KCTD15: variants seen among roughly 807,000 people sequenced by gnomAD.
KCTD15 encodes the protein potassium channel tetramerization domain containing 15.
In KCTD15, 11 loss-of-function variants were observed where a neutral mutation model predicts 27.2. The ratio of observed to expected loss-of-function variants is 0.41; its 90% CI spans 0.25 to 0.67. The LOEUF (loss-of-function observed/expected upper bound fraction) is 0.67, where lower values mean the gene tolerates loss of function less well. KCTD15 is among the 30% of genes least tolerant of loss of function. The probability of loss-of-function intolerance (pLI) is 0.35; values close to 1 mark genes in which losing one functional copy is unlikely to be tolerated. For missense variants in KCTD15, 350 were observed against 409.3 expected, an observed-to-expected ratio of 0.86 and a Z score of 1.25; for synonymous variants, 163 against 176.0, an observed-to-expected ratio of 0.93 and a Z score of 0.58.
rs1234155311 is a variant in KCTD15 at position 33,797,279 on chromosome 19, TGTGTGCGCGCGCGCGC to T, written c.-127+294_-127+309del. On this transcript the variant is annotated intron_variant, in intron 1 of 6. Transcript: ENST00000683859. ...GTGTGTGTGTGTGTGTGTGTGTGTG[TGTGTGCGCGCGCGCGC>T]GCGCGCGCTTGTGGAGGTCCCCGCA... 6 of 247,302 alleles carry T rather than the reference TGTGTGCGCGCGCGCGC, an allele frequency of 2.4e-5. No homozygotes were observed. In the African/African-American group the frequency reaches 2.7e-4, roughly 11 times the overall value. The allele number at this position is 247,302 out of a possible 1,614,324, so 15.3% of individuals were successfully genotyped here.
intron 6 of KCTD15, chr19:33,812,263 A>G (rs918288514): frequency 1.4e-4 from 142 of 1,026,356 alleles, no homozygotes; most frequent in Non-Finnish European, 1.6e-4. Flanking sequence ...CAGAGACTCA[A>G]ATATTGAGAG....
At position 33,811,461 on chromosome 19, in the gene KCTD15, T is replaced by A; in HGVS notation, c.602T>A (p.Met201Lys). The A allele has an allele frequency of 6.2e-7, 1 of 1,612,902 alleles. No individual in the cohort carries two copies. Among genetic ancestry groups the A allele is most frequent in the Non-Finnish European group, 8.5e-7 (1 of 1,179,808 alleles). Residue 201 changes from methionine to lysine, a missense_variant, in exon 6 of 7, where the codon ATG becomes AAG. Physicochemically the swap from Met to Lys is moderately conservative, Grantham distance 95. Transcript: ENST00000683859. Reference protein sequence around the residue: ...EEVFPETGDVMCNSVNAGWNQ... With the variant: ...EEVFPETGDVKCNSVNAGWNQ... ...GTCTTCCCCGAGACCGGAGACGTCA[T>A]GTGCAACTCCGTCAACGCCGGCTGG...
intron 3 of KCTD15, 41 bp from the exon 4 acceptor site, chr19:33,801,126 C>G (rs780448986): frequency 1.3e-6 from 2 of 1,539,458 alleles, no homozygotes; most frequent in Non-Finnish European, 1.8e-6. Flanking sequence ...TCTTGTGTTC[C>G]GCTTTGAAAC....
At chr19:33,811,833 G>C in intron 6 of KCTD15, 1 of 1,605,988 alleles carries the variant, frequency 6.2e-7, no homozygotes, top group Non-Finnish European at 8.5e-7. Context: ...AACAAAGCGT[G>C]CTTCATTTGA....
In KCTD15 at chr19:33,800,512, G is replaced by A. The variant is rs747857696; in HGVS notation, c.58G>A (p.Gly20Ser). 17 of 1,596,302 alleles carry A rather than the reference G, an allele frequency of 1.1e-5. No individual in the cohort carries two copies. Among genetic ancestry groups the A allele is most frequent in the African/African-American group, 2.7e-5 (2 of 74,764 alleles). The stretch of plus-strand genomic sequence containing the variant: ...CTCGCTTCACACACACGGCAGCACC[G>A]GCACCGCGGTGAGCCTGCAGGGTGG... Reference protein sequence around the residue: ...GSSLHTHGSTGTAEGGNMSRL... With the variant: ...GSSLHTHGSTSTAEGGNMSRL... The change falls in exon 3 of 7, where the codon GGC becomes AGC. Residue 20 changes from glycine to serine, a missense_variant. Gly to Ser is a moderately conservative substitution (Grantham distance 56). Around this residue, in one of 3 missense-constraint regions of KCTD15, gnomAD observed 77 missense variants for 72.7 expected, o/e 1.06. Transcript: ENST00000683859.
intron 4 of KCTD15, among the ~76,000 whole-genome samples, chr19:33,803,043 C>A (rs1459263509): frequency 3.3e-5 from 5 of 151,908 alleles, no homozygotes; most frequent in African/African-American, 1.2e-4. Flanking sequence ...GGAGCTAGGG[C>A]CCCTGTGGCC....
chr19:33,812,772 C>T lies in KCTD15; in HGVS notation c.694-18C>T. 7.0e-7 allele frequency: 1 copy of T among 1,431,820 alleles called. No homozygotes were observed. The highest frequency in any genetic ancestry group is 9.2e-7 in the Non-Finnish European group (1 of 1,088,182). The allele number at this position is 1,431,820 out of a possible 1,614,324, so 88.7% of individuals were successfully genotyped here. A position where few individuals can be genotyped will look rare whatever the true frequency, so the allele number is the denominator to read the frequency against. ...TCTTGCAGCTTGGCCTTGATGACCT[C>T]TGTTTCTTCCTGGGCAGGTCCTGGA... On this transcript the variant is annotated intron_variant, in intron 6 of 6. Transcript: ENST00000683859.
intron 6 of KCTD15, 163 bp downstream of exon 6, chr19:33,811,715 C>A: frequency 6.4e-7 from 1 of 1,553,130 alleles, no homozygotes; most frequent in Non-Finnish European, 8.8e-7. Context: ...TTATGTCCCT[C>A]TCATAATTAA....
At chr19:33,811,920 G>T (rs1459860390) in intron 6 of KCTD15, 3 of 1,556,384 alleles carry the variant, frequency 1.9e-6, no homozygotes, top group African/African-American at 1.4e-5. Context: ...TGGAAAGGTG[G>T]TCTGGAGCCC....
chr19:33,795,683 A>AGGAAGAGGAAGG (rs1975298423), upstream of KCTD15, among the ~76,000 whole-genome samples: 1 of 151,998 alleles, frequency 6.6e-6, no homozygotes, highest in Non-Finnish European at 1.5e-5. Context: ...AGGAAACAGG[A>AGGAAGAGGAAGG]GGAAGAGGAA....
chr19:33,803,663 T>G (rs1157645710), intron 4 of KCTD15, among the ~76,000 whole-genome samples: 1 of 151,504 alleles, frequency 6.6e-6, no homozygotes, highest in Non-Finnish European at 1.5e-5. Flanking sequence ...GGGCTGGGAG[T>G]GGATTCCCTG....
chr19:33,811,373 C>T lies in KCTD15; in HGVS notation c.514C>T (p.Arg172Cys), dbSNP rs750587104. The stretch of plus-strand genomic sequence containing the variant: ...CCGGGCCTGTGACTGCCTGGTGGTG[C>T]GCGTCACGCCCGACTTGGGCGAGCG... ...RSRACDCLVV[R>C]VTPDLGERIA... Residue 172 changes from arginine (R) to cysteine (C), a missense_variant, in exon 6 of 7, where the codon CGC (arginine) becomes TGC (cysteine). Physicochemically the swap from Arg to Cys is radical, Grantham distance 180. Transcript: ENST00000683859. The T allele has an allele frequency of 2.5e-6, 4 of 1,585,560 alleles. No homozygotes were observed. The highest frequency in any genetic ancestry group is 1.8e-5 in the Admixed American group (1 of 56,330).
intron 2 of KCTD15, among the ~76,000 whole-genome samples, chr19:33,799,400 G>C (rs1975454672): frequency 6.6e-6 from 1 of 152,232 alleles, no homozygotes; most frequent in South Asian, 2.1e-4. Context: ...AGACGTCCAG[G>C]GTAGGTTTGT....
At chr19:33,795,559 C>A (rs1005413050), upstream of KCTD15, among the ~76,000 whole-genome samples, 1 of 151,968 alleles carries the variant, frequency 6.6e-6, no homozygotes, top group Non-Finnish European at 1.5e-5. Flanking sequence ...CGGTCTCCGG[C>A]CCGGGCGTCC....
At position 33,800,413 on chromosome 19, in the gene KCTD15, C is replaced by T. The variant is rs953736878; in HGVS notation, c.-27-15C>T. ...AGGAATAAGCCTTCTCTGGTTTTGT[C>T]GATGCCTCCCGCAGATACTCTGGGC... is the stretch of plus-strand genomic sequence containing the variant. On this transcript the variant is annotated splice_polypyrimidine_tract_variant and intron_variant, in intron 2 of 6. Coordinates refer to ENST00000683859, the MANE Select transcript of KCTD15 (RefSeq NM_001129994.2). 1.8e-5 allele frequency: 29 copies of T among 1,570,422 alleles called. No homozygotes were observed. The highest frequency in any genetic ancestry group is 9.2e-5 in the East Asian group (4 of 43,470).
At chr19:33,806,027 TGTG>T (rs1975701252) in intron 4 of KCTD15, among the ~76,000 whole-genome samples, 1 of 152,228 alleles carries the variant, frequency 6.6e-6, no homozygotes, top group Non-Finnish European at 1.5e-5. Flanking sequence ...CACCACTAGG[TGTG>T]GTGTGCATAC....
intron 5 of KCTD15, among the ~76,000 whole-genome samples, chr19:33,810,688 CAAA>C (rs66841311): frequency 1.8e-4 from 23 of 131,402 alleles, no homozygotes; most frequent in South Asian, 2.5e-4. Context: ...AAAAAAAAAA[CAAA>C]AAAAAACGAA....
chr19:33,810,098 A>G (rs1291593830), intron 5 of KCTD15, among the ~76,000 whole-genome samples: 1 of 152,094 alleles, frequency 6.6e-6, no homozygotes, highest in Non-Finnish European at 1.5e-5. Flanking sequence ...CCTCTTCCTC[A>G]GGCATGAGTC....
intron 1 of KCTD15, chr19:33,798,385 C>T (rs1975423833): frequency 6.6e-6 from 1 of 152,240 alleles, no homozygotes; most frequent in South Asian, 2.1e-4. Flanking sequence ...GACACAAAAT[C>T]ATTTTGTGTG....
Sources: allele counts gnomAD v4.1 joint callset (sites outside exome capture counted in the v4.1 genomes callset), GRCh38; gene constraint gnomAD v4.1.1; regional missense constraint gnomAD v4.1.1; transcripts MANE v1.5; gene names NCBI Gene and HGNC (gene_info 2026-07-23, HGNC 2026-07-21).